Variants in ANKRD36C observed in about 807,000 individuals in gnomAD.
ANKRD36C encodes ankyrin repeat domain-containing protein 36C.
ANKRD36C carries 61 observed loss-of-function variants against 276.4 expected under a neutral mutation model. That is an observed-to-expected ratio of 0.22 (90% confidence interval 0.18 to 0.27). The LOEUF is 0.27. Among genes scored for constraint, ANKRD36C ranks in the 10% least tolerant of loss-of-function variants. The pLI, the probability that ANKRD36C is intolerant of heterozygous loss-of-function variation, is 1.00. For synonymous variants in ANKRD36C, 483 were observed against 680.1 expected, an observed-to-expected ratio of 0.71 and a Z score of 4.51; for missense variants, 1,447 against 2,032.3, an observed-to-expected ratio of 0.71 and a Z score of 5.54.
chr2:95,975,504 C>T (rs1390251771), intron 6 of ANKRD36C, among the ~76,000 whole-genome samples: 1 of 152,114 alleles, frequency 6.6e-6, no homozygotes, highest in African/African-American at 2.4e-5. Flanking sequence ...TTTGACAAAC[C>T]TGAGAAAAAC....
intron 34 of ANKRD36C, 85 bp downstream of exon 36, chr2:95,919,646 CCA>C: frequency 1.6e-6 from 1 of 607,678 alleles, no homozygotes; most frequent in Non-Finnish European, 2.0e-6. Flanking sequence ...GCGACTCCCC[CCA>C]CCCACCCTCC....
intron 24 of ANKRD36C, among the ~76,000 whole-genome samples, chr2:95,931,244 C>A (rs1419269858): frequency 6.6e-6 from 1 of 151,452 alleles, no homozygotes; most frequent in African/African-American, 2.4e-5. Context: ...TCCTTCTTCA[C>A]AAAAGCAGCC....
chr2:95,917,774 C>T, intron 36 of ANKRD36C, 81 bp downstream of exon 38: 1 of 1,508,042 alleles, frequency 6.6e-7, no homozygotes, highest in East Asian at 2.5e-5. Context: ...CCCCCAACCG[C>T]CCTCCGCTGA....
intron 34 of ANKRD36C, 126 bp downstream of exon 36, chr2:95,919,607 G>A (rs1677209966): frequency 2.1e-6 from 1 of 482,360 alleles, no homozygotes; most frequent in African/African-American, 2.2e-5. Context: ...AAAAATCTCA[G>A]GCCTGCTGAA....
chr2:95,891,682 C>T (rs780925884), exon 46 of ANKRD36C: 36 of 1,567,294 alleles, frequency 2.3e-5, no homozygotes, highest in Non-Finnish European at 3.1e-5. Flanking sequence ...AGTTTTTTCT[C>T]CATGCTTTTT....
At chr2:95,984,807 T>C (rs1033476948) in intron 3 of ANKRD36C, among the ~76,000 whole-genome samples, 3 of 152,172 alleles carry the variant, frequency 2.0e-5, no homozygotes, top group Non-Finnish European at 4.4e-5. Flanking sequence ...TTTTTTTTAT[T>C]TTAGGTAAAA....
At chr2:95,918,560 A>C (rs566202570) in intron 34 of ANKRD36C, among the ~76,000 whole-genome samples, 8 of 151,772 alleles carry the variant, frequency 5.3e-5, no homozygotes, top group African/African-American at 1.9e-4. Context: ...GAAGTGTCCT[A>C]AATTGATCAC....
chr2:95,923,070 GTC>G (rs1275580135), intron 32 of ANKRD36C, among the ~76,000 whole-genome samples: 1 of 151,452 alleles, frequency 6.6e-6, no homozygotes, highest in Non-Finnish European at 1.5e-5. Context: ...TACATCAGTG[GTC>G]TCATTAGTTC....
intron 61 of ANKRD36C, 113 bp from the exon 82 acceptor site, chr2:95,857,605 T>C (rs1675448420): frequency 3.2e-6 from 3 of 938,530 alleles, no homozygotes; most frequent in African/African-American, 3.3e-5. Flanking sequence ...CTACAAACCA[T>C]GGATTCTCAT....
At chr2:95,858,186 C>A (rs1298097688) in intron 61 of ANKRD36C, among the ~76,000 whole-genome samples, 4 of 151,808 alleles carry the variant, frequency 2.6e-5, no homozygotes, top group Non-Finnish European at 4.4e-5. Context: ...GTTCTCAGGA[C>A]CTCCTGAGGG....
chr2:95,856,151 C>T, exon 63 of ANKRD36C: 1 of 1,604,760 alleles, frequency 6.2e-7, no homozygotes, highest in South Asian at 1.1e-5. Flanking sequence ...TTTCATGCAG[C>T]AGGTCTTCTT....
intron 64 of ANKRD36C, 31 bp downstream of exon 84, chr2:95,853,678 C>G (rs1286484036): frequency 6.4e-7 from 1 of 1,558,492 alleles, no homozygotes; most frequent in Non-Finnish European, 8.7e-7. Flanking sequence ...TACAGATTAA[C>G]AGTTGTTGGT....
At chr2:95,879,134 C>T (rs1573735406) in intron 58 of ANKRD36C, among the ~76,000 whole-genome samples, 1 of 152,156 alleles carries the variant, frequency 6.6e-6, no homozygotes. Context: ...AGAATAAGAT[C>T]CTCTCATTCA....
At chr2:95,964,246 G>A (rs1029155859) in intron 6 of ANKRD36C, among the ~76,000 whole-genome samples, 1 of 150,300 alleles carries the variant, frequency 6.7e-6, no homozygotes, top group Non-Finnish European at 1.5e-5. Context: ...TGTGAACGAA[G>A]CACATATCAT....
At chr2:95,885,128 G>GT (rs1218988446) in intron 52 of ANKRD36C, among the ~76,000 whole-genome samples, 1 of 151,844 alleles carries the variant, frequency 6.6e-6, no homozygotes, top group Non-Finnish European at 1.5e-5. Flanking sequence ...ATATTAATAT[G>GT]TTTTACATTC....
intron 18 of ANKRD36C, 114 bp from the exon 19 acceptor site, chr2:95,944,808 C>G: frequency 5.2e-6 from 6 of 1,146,626 alleles, no homozygotes; most frequent in Non-Finnish European, 7.4e-6. Flanking sequence ...GGGGCCGATG[C>G]AGGCAGATCA....
chr2:95,986,652 T>C, intron 3 of ANKRD36C, 99 bp downstream of exon 3: 1 of 1,155,840 alleles, frequency 8.7e-7, no homozygotes, highest in Non-Finnish European at 1.2e-6. Flanking sequence ...ATTCAAGGAA[T>C]GTTTGAGCTT....
At chr2:95,969,342 T>C (rs1573811311) in intron 6 of ANKRD36C, among the ~76,000 whole-genome samples, 1 of 152,180 alleles carries the variant, frequency 6.6e-6, no homozygotes, top group Non-Finnish European at 1.5e-5. Context: ...AGACCAAATA[T>C]ATATTTCATA....
chr2:95,889,744 A>G, intron 48 of ANKRD36C, 55 bp downstream of exon 68: 1 of 1,535,914 alleles, frequency 6.5e-7, no homozygotes, highest in Non-Finnish European at 8.8e-7. Context: ...TTTGGTGAAG[A>G]GAAGATCTCT....
Sources: gnomAD v4.1 joint callset for allele counts (sites outside exome capture counted in the v4.1 genomes callset) on GRCh38, gnomAD v4.1.1 for gene constraint, MANE v1.5 for transcripts, NCBI Gene and HGNC (gene_info 2026-07-23, HGNC 2026-07-21) for gene names.